Variants in DCLK2 observed in about 807,000 individuals in gnomAD.
DCLK2 encodes doublecortin like kinase 2.
In DCLK2, 31 loss-of-function variants were observed where a neutral mutation model predicts 78.4. The observed-to-expected ratio is 0.40, with a 90% CI of 0.30 to 0.53. The LOEUF is 0.53. Among genes scored for constraint, DCLK2 ranks in the 20% least tolerant of loss-of-function variants. DCLK2 has a pLI of 0.61. For synonymous variants in DCLK2, 407 were observed against 374.9 expected (o/e 1.09, Z -0.99); for missense variants, 872 against 973.7 (o/e 0.90, Z 1.39).
chr4:150,177,959 G>A (rs771087770), intron 2 of DCLK2, among the ~76,000 whole-genome samples: 4 of 152,250 alleles, frequency 2.6e-5, no homozygotes, highest in Non-Finnish European at 5.9e-5. Context: ...ACTTTGTAAT[G>A]TTTTGTTTCC....
At chr4:150,107,465 C>T (rs891605556) in intron 2 of DCLK2, among the ~76,000 whole-genome samples, 6 of 149,278 alleles carry the variant, frequency 4.0e-5, no homozygotes, top group Non-Finnish European at 8.9e-5. Context: ...CAGCTTTGAC[C>T]TCCTGGGCTC....
chr4:150,089,064 AG>A (rs1729861556), intron 1 of DCLK2, among the ~76,000 whole-genome samples: 1 of 152,216 alleles, frequency 6.6e-6, no homozygotes, highest in African/African-American at 2.4e-5. Flanking sequence ...TGATACTCAT[AG>A]GGTAATGCAG....
intron 2 of DCLK2, among the ~76,000 whole-genome samples, chr4:150,137,548 C>T (rs528947446): frequency 2.6e-5 from 4 of 152,222 alleles, no homozygotes; most frequent in African/African-American, 9.6e-5. Flanking sequence ...CTATAAGCTT[C>T]TATGAGTGAA....
intron 2 of DCLK2, among the ~76,000 whole-genome samples, chr4:150,138,491 C>T (rs1489569867): frequency 6.6e-6 from 1 of 152,170 alleles, no homozygotes; most frequent in East Asian, 1.9e-4. Context: ...TGGCTGTAAT[C>T]CCAGGTACTT....
chr4:150,197,393 G>A (rs1739125687), intron 3 of DCLK2, among the ~76,000 whole-genome samples: 1 of 152,194 alleles, frequency 6.6e-6, no homozygotes, highest in African/African-American at 2.4e-5. Flanking sequence ...TTGTGTGTAT[G>A]AAGTTAGGAC....
chr4:150,197,230 A>G (rs10031796), intron 3 of DCLK2, among the ~76,000 whole-genome samples: 133,371 of 151,956 alleles, frequency 0.88, 58,916 homozygotes, highest in Middle Eastern at 0.96. Flanking sequence ...AAGATGGAAC[A>G]TAATTCAGGA....
At chr4:150,173,199 A>T (rs953027595) in intron 2 of DCLK2, among the ~76,000 whole-genome samples, 2 of 152,068 alleles carry the variant, frequency 1.3e-5, no homozygotes, top group African/African-American at 4.8e-5. Flanking sequence ...AGGGAGATGG[A>T]TCTGGGCTAT....
chr4:150,201,622 T>G (rs777120372), intron 4 of DCLK2, among the ~76,000 whole-genome samples: 32 of 152,308 alleles, frequency 2.1e-4, no homozygotes, highest in Non-Finnish European at 3.8e-4. Flanking sequence ...ATAAGGAGAC[T>G]GATCTACTGC....
chr4:150,243,727 T>C (rs1420394151), intron 12 of DCLK2, among the ~76,000 whole-genome samples: 2 of 150,850 alleles, frequency 1.3e-5, no homozygotes, highest in Admixed American at 1.3e-4. Context: ...TTTCTAGTCT[T>C]TTTTTTTTCT....
At chr4:150,108,709 G>T (rs1282360221) in intron 2 of DCLK2, among the ~76,000 whole-genome samples, 1 of 152,006 alleles carries the variant, frequency 6.6e-6, no homozygotes, top group Non-Finnish European at 1.5e-5. Context: ...CCTGTATTCT[G>T]TTGAGAGATG....
intron 5 of DCLK2, among the ~76,000 whole-genome samples, chr4:150,211,484 G>A (rs904557032): frequency 6.6e-6 from 1 of 152,090 alleles, no homozygotes; most frequent in Non-Finnish European, 1.5e-5. Flanking sequence ...GGCTCATGAG[G>A]GCTATTGTGG....
intron 2 of DCLK2, among the ~76,000 whole-genome samples, chr4:150,160,807 G>A (rs1735649578): frequency 6.6e-6 from 1 of 152,134 alleles, no homozygotes; most frequent in South Asian, 2.1e-4. Flanking sequence ...TGTGTTATTG[G>A]GTCATGGATA....
intron 2 of DCLK2, chr4:150,175,355 G>T (rs1481340811): frequency 6.6e-6 from 1 of 151,112 alleles, no homozygotes; most frequent in Non-Finnish European, 1.5e-5. Flanking sequence ...CATTTAGGAA[G>T]TACTGAAGAA....
At chr4:150,206,935 G>A (rs1739887532) in intron 5 of DCLK2, among the ~76,000 whole-genome samples, 1 of 152,120 alleles carries the variant, frequency 6.6e-6, no homozygotes, top group Admixed American at 6.5e-5. Flanking sequence ...TAATTTTGAT[G>A]TCATTGCAAG....
At position 150,102,551 on chromosome 4, in the gene DCLK2, G is replaced by A; in HGVS notation, c.495G>A (p.Trp165Ter). Residue 165 changes from tryptophan to a stop codon, truncating the protein, a stop_gained, in exon 2 of 16, where the codon TGG (tryptophan) becomes TGA (stop). Transcript: ENST00000296550. LOFTEE classifies it high-confidence loss of function. ...VDYTKNINPN[W>*]SVNIKGGTSR... ...ACACCAAAAATATTAATCCAAACTG[G>A]TCTGTGAACATCAAGGGTGGGACAT... 6.2e-7 allele frequency: 1 copy of A among 1,614,132 alleles called. No homozygotes were observed. Among genetic ancestry groups the A allele is most frequent in the South Asian group, 1.1e-5 (1 of 91,080 alleles).
At chr4:150,117,877 T>C (rs2150177226) in intron 2 of DCLK2, among the ~76,000 whole-genome samples, 1 of 152,306 alleles carries the variant, frequency 6.6e-6, no homozygotes, top group East Asian at 1.9e-4. Context: ...CACCACACAC[T>C]ATTTTGTCTT....
chr4:150,188,289 C>T (rs1212958776), intron 2 of DCLK2, among the ~76,000 whole-genome samples: 1 of 151,858 alleles, frequency 6.6e-6, no homozygotes, highest in African/African-American at 2.4e-5. Context: ...GCCTGGGCAA[C>T]ATAGTGAAAC....
At chr4:150,088,132 G>T (rs912555117) in intron 1 of DCLK2, among the ~76,000 whole-genome samples, 5 of 152,074 alleles carry the variant, frequency 3.3e-5, no homozygotes, top group African/African-American at 7.2e-5. Context: ...TCATCATCTT[G>T]GTCTCTTTAC....
At chr4:150,084,264 A>G (rs1214093805) in intron 1 of DCLK2, among the ~76,000 whole-genome samples, 8 of 152,244 alleles carry the variant, frequency 5.3e-5, no homozygotes, top group Admixed American at 3.9e-4. Context: ...AATAACTCAG[A>G]CAATGATTTT....
Sources: gnomAD v4.1 joint callset for allele counts (sites outside exome capture counted in the v4.1 genomes callset) on GRCh38, gnomAD v4.1.1 for gene constraint, MANE v1.5 for transcripts, NCBI Gene and HGNC (gene_info 2026-07-23, HGNC 2026-07-21) for gene names.